EMCN: variants seen among roughly 807,000 people sequenced by gnomAD.
EMCN encodes MUC-14.
In EMCN, 37 loss-of-function variants were observed where a neutral mutation model predicts 38.4. That is an observed-to-expected ratio of 0.96 (90% CI 0.74 to 1.27). The LOEUF is 1.27. Among genes scored for constraint, EMCN ranks in the 50% most tolerant of loss-of-function variants. The pLI, the probability that EMCN is intolerant of heterozygous loss-of-function variation, is 0.00. For missense variants in EMCN, 318 were observed against 302.8 expected (o/e 1.05, Z -0.37); for synonymous variants, 95 against 100.8 (o/e 0.94, Z 0.35).
At chr4:100,400,858 C>T (rs892057088) in intron 11 of EMCN, among the ~76,000 whole-genome samples, 3 of 152,198 alleles carry the variant, frequency 2.0e-5, no homozygotes, top group South Asian at 2.1e-4. Flanking sequence ...TGATTCTTTA[C>T]GTCCATACCA....
intron 4 of EMCN, among the ~76,000 whole-genome samples, chr4:100,453,152 A>C (rs766888884): frequency 2.0e-4 from 31 of 152,212 alleles, no homozygotes; most frequent in Non-Finnish European, 3.7e-4. Context: ...AGTGGCAACA[A>C]AAGCCAAAAT....
chr4:100,488,291 A>G (rs1354732905), intron 1 of EMCN, among the ~76,000 whole-genome samples: 4 of 152,236 alleles, frequency 2.6e-5, no homozygotes, highest in African/African-American at 9.6e-5. Flanking sequence ...GGAGTTCTAC[A>G]TAATTGGTCT....
chr4:100,433,821 C>G (rs953166032), intron 5 of EMCN, among the ~76,000 whole-genome samples: 5 of 152,068 alleles, frequency 3.3e-5, no homozygotes, highest in Non-Finnish European at 7.4e-5. Context: ...CAGGTGTGAG[C>G]CACTGCACCC....
chr4:100,408,553 T>A (rs1256775304), intron 11 of EMCN, among the ~76,000 whole-genome samples: 1 of 152,194 alleles, frequency 6.6e-6, no homozygotes, highest in Non-Finnish European at 1.5e-5. Context: ...ACATAATGAC[T>A]GGTAGATAGG....
At chr4:100,458,758 T>C (rs1728086776) in intron 4 of EMCN, among the ~76,000 whole-genome samples, 1 of 152,134 alleles carries the variant, frequency 6.6e-6, no homozygotes, top group South Asian at 2.1e-4. Context: ...GTTTTCCTTT[T>C]CCCAAAATGA....
intron 1 of EMCN, among the ~76,000 whole-genome samples, chr4:100,503,315 C>T (rs2110302945): frequency 6.6e-6 from 1 of 152,146 alleles, no homozygotes; most frequent in African/African-American, 2.4e-5. Context: ...ATTTACTTTA[C>T]ATAAATTTTT....
intron 10 of EMCN, among the ~76,000 whole-genome samples, chr4:100,411,969 G>T (rs148704382): frequency 2.7e-4 from 41 of 151,984 alleles, no homozygotes; most frequent in African/African-American, 9.9e-4. Context: ...TGTTGTTAAT[G>T]AACTTTTACT....
chr4:100,477,921 T>A (rs1728704417), intron 2 of EMCN, among the ~76,000 whole-genome samples: 2 of 152,108 alleles, frequency 1.3e-5, no homozygotes, highest in South Asian at 4.1e-4. Context: ...TGATACACAA[T>A]CCCTAGAACA....
At chr4:100,488,984 A>C (rs894032091) in intron 1 of EMCN, among the ~76,000 whole-genome samples, 4 of 152,232 alleles carry the variant, frequency 2.6e-5, no homozygotes, top group African/African-American at 9.6e-5. Flanking sequence ...ACATATAACA[A>C]TAATTACTTT....
intron 11 of EMCN, 55 bp downstream of exon 11, chr4:100,410,227 G>T: frequency 1.7e-6 from 2 of 1,205,544 alleles, no homozygotes; most frequent in Non-Finnish European, 2.5e-6. Context: ...AGCTGCACCA[G>T]GCTAACAAAA....
At chr4:100,482,640 A>G (rs1413916655) in intron 1 of EMCN, among the ~76,000 whole-genome samples, 1 of 152,054 alleles carries the variant, frequency 6.6e-6, no homozygotes, top group East Asian at 1.9e-4. Flanking sequence ...GATCTGGGAA[A>G]ATACTGAAGG....
chr4:100,453,808 G>C (rs1727919990), intron 4 of EMCN, among the ~76,000 whole-genome samples: 1 of 152,116 alleles, frequency 6.6e-6, no homozygotes, highest in Admixed American at 6.6e-5. Flanking sequence ...TTAAGAAAAT[G>C]TGGCACATAT....
chr4:100,481,673 A>G (rs10516466), intron 1 of EMCN, among the ~76,000 whole-genome samples: 25,049 of 151,994 alleles, frequency 0.16, 3,451 homozygotes, highest in East Asian at 0.72. Context: ...CTTAACTTCT[A>G]TGATGTAACA....
chr4:100,439,509 A>C (rs774347888), intron 5 of EMCN, among the ~76,000 whole-genome samples: 1 of 150,236 alleles, frequency 6.7e-6, no homozygotes, highest in South Asian at 2.1e-4. Context: ...TTATGATTTT[A>C]TTTATTAGTC....
chr4:100,428,063 C>CAG (rs11276049), intron 5 of EMCN, among the ~76,000 whole-genome samples: 95,177 of 151,196 alleles, frequency 0.63, 32,347 homozygotes, highest in African/African-American at 0.88. Context: ...ATCCTTTCTT[C>CAG]CTTCAGCTGA....
chr4:100,476,348 A>G (rs1361931483), intron 2 of EMCN, among the ~76,000 whole-genome samples: 2 of 151,008 alleles, frequency 1.3e-5, no homozygotes, highest in Non-Finnish European at 2.9e-5. Context: ...CAGTGGTATG[A>G]GCATACCTCA....
chr4:100,417,207 C>T, intron 8 of EMCN, 66 bp from the exon 9 acceptor site: 1 of 1,343,638 alleles, frequency 7.4e-7, no homozygotes, highest in South Asian at 1.2e-5. Context: ...TGAGCAAGCC[C>T]CTCTAACCCC....
intron 4 of EMCN, among the ~76,000 whole-genome samples, chr4:100,456,991 G>A (rs772542346): frequency 3.9e-5 from 6 of 151,992 alleles, no homozygotes; most frequent in Non-Finnish European, 4.4e-5. Context: ...ATATGATAAC[G>A]TAAAATTTTT....
chr4:100,442,850 C>A (rs1016725170), intron 5 of EMCN, among the ~76,000 whole-genome samples: 1 of 151,864 alleles, frequency 6.6e-6, no homozygotes, highest in African/African-American at 2.4e-5. Context: ...AATTTTATTT[C>A]ATTTTTATTA....
Sources: gnomAD v4.1 joint callset for allele counts (sites outside exome capture counted in the v4.1 genomes callset) on GRCh38, gnomAD v4.1.1 for gene constraint, MANE v1.5 for transcripts, NCBI Gene and HGNC (gene_info 2026-07-23, HGNC 2026-07-21) for gene names.